Variants in KIF16B observed in about 807,000 individuals in gnomAD.
KIF16B encodes kinesin family member 16B.
Under a neutral mutation model 156.3 loss-of-function variants are expected in KIF16B, and 98 were observed. The ratio of observed to expected loss-of-function variants is 0.63; its 90% CI spans 0.53 to 0.74. The LOEUF (loss-of-function observed/expected upper bound fraction) is 0.74, where lower values mean the gene tolerates loss of function less well. Ranked by LOEUF, KIF16B falls within the 30% of genes least tolerant of loss-of-function variation. KIF16B has a pLI of 0.00. For missense variants in KIF16B, 1,421 were observed against 1,606.5 expected, an observed-to-expected ratio of 0.88 and a Z score of 1.97; for synonymous variants, 564 against 583.7, an observed-to-expected ratio of 0.97 and a Z score of 0.49.
intron 12 of KIF16B, among the ~76,000 whole-genome samples, chr20:16,463,865 T>G (rs1262311902): frequency 6.6e-6 from 1 of 152,218 alleles, no homozygotes; most frequent in Non-Finnish European, 1.5e-5. Context: ...AAAATATTTT[T>G]TAATGACAGA....
intron 23 of KIF16B, among the ~76,000 whole-genome samples, chr20:16,354,324 G>C (rs2064394347): frequency 6.6e-6 from 1 of 152,138 alleles, no homozygotes. Flanking sequence ...GTACCTCACT[G>C]CTGTTGAGTT....
At chr20:16,420,071 A>G (rs1412022090) in intron 15 of KIF16B, among the ~76,000 whole-genome samples, 1 of 152,172 alleles carries the variant, frequency 6.6e-6, no homozygotes, top group Non-Finnish European at 1.5e-5. Context: ...CCAATTGAAG[A>G]GCATGTTAGA....
chr20:16,310,694 A>G (rs572764111), intron 25 of KIF16B, among the ~76,000 whole-genome samples: 5 of 152,334 alleles, frequency 3.3e-5, no homozygotes, highest in Admixed American at 6.5e-5. Flanking sequence ...TTTGTATGAT[A>G]CAATCAAACC....
chr20:16,461,913 G>A (rs796734916), intron 12 of KIF16B, among the ~76,000 whole-genome samples: 4 of 152,308 alleles, frequency 2.6e-5, no homozygotes, highest in African/African-American at 9.6e-5. Flanking sequence ...CTAAGGGCTA[G>A]AACAGTGAAT....
At chr20:16,383,512 C>T (rs1173488021) in intron 17 of KIF16B, among the ~76,000 whole-genome samples, 1 of 152,156 alleles carries the variant, frequency 6.6e-6, no homozygotes, top group Admixed American at 6.5e-5. Flanking sequence ...GAGAAATCAG[C>T]CATATAAATC....
At chr20:16,333,900 G>A (rs1435200143) in intron 24 of KIF16B, among the ~76,000 whole-genome samples, 8 of 152,100 alleles carry the variant, frequency 5.3e-5, no homozygotes, top group Non-Finnish European at 1.2e-4. Context: ...ATTCTTTATT[G>A]CTAATTTTCA....
At chr20:16,446,449 G>A (rs1452609946) in intron 12 of KIF16B, among the ~76,000 whole-genome samples, 2 of 152,218 alleles carry the variant, frequency 1.3e-5, no homozygotes, top group Admixed American at 1.3e-4. Flanking sequence ...TGAACTGGTG[G>A]CATGTTCCCC....
At chr20:16,285,131 T>A (rs2063204317) in intron 25 of KIF16B, among the ~76,000 whole-genome samples, 1 of 152,244 alleles carries the variant, frequency 6.6e-6, no homozygotes, top group Admixed American at 6.5e-5. Flanking sequence ...ACCTTAATCT[T>A]CATCTTACTT....
intron 24 of KIF16B, among the ~76,000 whole-genome samples, chr20:16,321,372 C>A (rs561626459): frequency 2.6e-5 from 4 of 152,024 alleles, no homozygotes; most frequent in Admixed American, 1.3e-4. Context: ...CTTTTAATAA[C>A]CTAAGATTTG....
At chr20:16,403,046 C>T (rs1010823292) in intron 17 of KIF16B, among the ~76,000 whole-genome samples, 4 of 152,112 alleles carry the variant, frequency 2.6e-5, no homozygotes, top group African/African-American at 7.2e-5. Flanking sequence ...GTGAAGATAG[C>T]GTTTTGGTTT....
chr20:16,386,354 C>A (rs2065229847), intron 17 of KIF16B, among the ~76,000 whole-genome samples: 1 of 151,856 alleles, frequency 6.6e-6, no homozygotes, highest in Admixed American at 6.6e-5. Context: ...ATGGAATAAC[C>A]CAGGAATGCC....
chr20:16,512,756 C>T (rs962156328), intron 5 of KIF16B, 70 bp downstream of exon 5: 10 of 1,035,902 alleles, frequency 9.7e-6, no homozygotes, highest in African/African-American at 1.6e-5. Context: ...ATTTCCAGCA[C>T]CTAAATGCAG....
chr20:16,424,498 T>A (rs938970338), intron 15 of KIF16B, among the ~76,000 whole-genome samples: 1 of 152,144 alleles, frequency 6.6e-6, no homozygotes, highest in Non-Finnish European at 1.5e-5. Flanking sequence ...CCAATTCCTA[T>A]GTCACAACAG....
At chr20:16,487,443 C>T (rs138616206) in intron 12 of KIF16B, among the ~76,000 whole-genome samples, 31 of 152,190 alleles carry the variant, frequency 2.0e-4, no homozygotes, top group African/African-American at 7.2e-4. Flanking sequence ...GCCCCAGTTA[C>T]GAGAGCTGCT....
chr20:16,394,721 T>G (rs2065449598), intron 17 of KIF16B, among the ~76,000 whole-genome samples: 1 of 151,292 alleles, frequency 6.6e-6, no homozygotes, highest in African/African-American at 2.4e-5. Flanking sequence ...ATGCTCAAGG[T>G]GAGCAAGAAA....
intron 25 of KIF16B, among the ~76,000 whole-genome samples, chr20:16,285,802 T>C (rs1040868232): frequency 9.2e-5 from 14 of 151,890 alleles, no homozygotes; most frequent in African/African-American, 3.4e-4. Flanking sequence ...TGGGTGAGAG[T>C]GAGACCCTGT....
At chr20:16,416,973 A>G (rs554538680) in intron 15 of KIF16B, among the ~76,000 whole-genome samples, 1 of 152,220 alleles carries the variant, frequency 6.6e-6, no homozygotes, top group East Asian at 1.9e-4. Flanking sequence ...TTTCTTTCCC[A>G]TCAGAGGAGC....
At position 16,357,934 on chromosome 20, in the gene KIF16B, A is replaced by G. The variant is rs553352463; in HGVS notation, c.3499-1482T>C. 2.6e-5 allele frequency among the ~76,000 whole-genome samples: 4 copies of G among 152,310 alleles called. No homozygotes were observed. The East Asian group carries it at 7.7e-4, about 29-fold the overall frequency. On this transcript the variant is annotated intron_variant, in intron 22 of 25. Transcript: ENST00000354981. The stretch of plus-strand genomic sequence containing the variant: ...GCTGGGCACAGTGGCTCACACCTGT[A>G]ATCCCAGCACCCTGGGAGGCCAAGG...
chr20:16,487,987 C>A (rs989661741), intron 12 of KIF16B, among the ~76,000 whole-genome samples: 6 of 152,178 alleles, frequency 3.9e-5, no homozygotes, highest in Admixed American at 3.9e-4. Context: ...ATACAAATTG[C>A]TCACTTTCCA....
Sources: allele counts gnomAD v4.1 joint callset (sites outside exome capture counted in the v4.1 genomes callset), GRCh38; gene constraint gnomAD v4.1.1; transcripts MANE v1.5; gene names NCBI Gene and HGNC (gene_info 2026-07-23, HGNC 2026-07-21).